The following ECE1 variants were observed in gnomAD, a reference collection of about 807,000 sequenced individuals.
ECE1 encodes endothelin-converting enzyme 1.
In ECE1, 35 loss-of-function variants were observed where a neutral mutation model predicts 98.6. The ratio of observed to expected loss-of-function variants is 0.35; its 90% CI spans 0.27 to 0.47. The LOEUF is 0.47. ECE1 is among the 20% of genes least tolerant of loss of function. The pLI is 1.00. For missense variants in ECE1, 814 were observed against 1,025.3 expected, an observed-to-expected ratio of 0.79 and a Z score of 2.81; for synonymous variants, 394 against 407.1, an observed-to-expected ratio of 0.97 and a Z score of 0.39.
At chr1:21,305,734 T>C (rs1638580404) in intron 1 of ECE1, among the ~76,000 whole-genome samples, 1 of 152,186 alleles carries the variant, frequency 6.6e-6, no homozygotes, top group South Asian at 2.1e-4. Flanking sequence ...GGCTCCACTC[T>C]GTGGGTTTGG....
At chr1:21,224,875 C>T (rs1455027222) in intron 17 of ECE1, among the ~76,000 whole-genome samples, 4 of 152,228 alleles carry the variant, frequency 2.6e-5, no homozygotes, top group Admixed American at 1.3e-4. Flanking sequence ...ACTGGCTCCA[C>T]GACCAGTGCT....
rs997413292 is a variant in ECE1 at position 21,307,963 on chromosome 1, C to G, written c.4-17807G>C. Among the ~76,000 whole-genome samples, 33 of 152,296 alleles carry G rather than the reference C, an allele frequency of 2.2e-4. No individual in the cohort carries two copies. Among genetic ancestry groups the G allele is most frequent in the African/African-American group, 6.5e-4 (27 of 41,564 alleles). Reference sequence around the variant, plus strand: ...TTTGCTGCGATCCCAATGGGTCACACGCCTTCTGGATCCCCCCAGAAGGTC... The same window carrying G: ...TTTGCTGCGATCCCAATGGGTCACAGGCCTTCTGGATCCCCCCAGAAGGTC... On this transcript the variant is annotated intron_variant, in intron 1 of 18. Coordinates refer to the ECE1 transcript ENST00000415912. This position sits in a 1 kb window ranked among gnomAD's most constrained non-coding sequence, Gnocchi z 4.2.
At chr1:21,267,474 T>A (rs953345433) in intron 4 of ECE1, among the ~76,000 whole-genome samples, 8 of 152,014 alleles carry the variant, frequency 5.3e-5, no homozygotes, top group African/African-American at 1.7e-4. Context: ...AACCATAAGA[T>A]CTTGTGAGAC....
In ECE1 at chr1:21,233,649, G is replaced by C. The variant is rs750883434; in HGVS notation, c.1579C>G (p.Pro527Ala). The C allele has an allele frequency of 1.2e-5, 20 of 1,613,880 alleles. No homozygotes were observed. The highest frequency in any genetic ancestry group is 1.6e-5 in the Non-Finnish European group (19 of 1,179,844). The change falls in exon 14 of 19, where the codon CCA (proline) becomes GCA (alanine). Residue 527 changes from proline to alanine, a missense_variant. Coordinates refer to ENST00000374893, the MANE Select transcript of ECE1 (RefSeq NM_001397.3). This position sits in a 1 kb window ranked among gnomAD's most constrained non-coding sequence, Gnocchi z 4.0. Reference protein sequence around the residue: ...DKVFNDYTAVPDLYFENAMRF... With the variant: ...DKVFNDYTAVADLYFENAMRF... ...ATGGCATTTTCAAAGTAGAGGTCTG[G>C]AACTGCAGTGTACTAGAAAAGAAGA...
intron 1 of ECE1, among the ~76,000 whole-genome samples, chr1:21,326,607 G>T (rs899057695): frequency 6.6e-6 from 1 of 152,048 alleles, no homozygotes; most frequent in East Asian, 1.9e-4. Flanking sequence ...ATAATAGGGG[G>T]GTTATATTTC....
rs796261458 is a variant in ECE1 at position 21,272,587 on chromosome 1, C to T, written c.493+112G>A. 2.9e-4 allele frequency: 389 copies of T among 1,328,652 alleles called. 1 individual carries two copies. Among genetic ancestry groups the T allele is most frequent in the South Asian group, 5.9e-4 (47 of 80,074 alleles). The allele number at this position is 1,328,652 out of a possible 1,614,324, so 82.3% of individuals were successfully genotyped here. A position where few individuals can be genotyped will look rare whatever the true frequency, so the allele number is the denominator to read the frequency against. ...GATTACAGGTGTGAGCCACCGTGCC[C>T]GGCCCATTCTGCCAAGCTCCTCCTT... On this transcript the variant is annotated intron_variant, in intron 4 of 18. Transcript: ENST00000374893.
chr1:21,244,305 C>A (rs549379549), intron 10 of ECE1, among the ~76,000 whole-genome samples: 1 of 152,194 alleles, frequency 6.6e-6, no homozygotes, highest in Non-Finnish European at 1.5e-5. Flanking sequence ...TGTGGGCTCT[C>A]GGGGTACAGA....
rs1236301235 is a variant in ECE1, at chr1:21,219,963, C to T, written c.2305G>A (p.Val769Ile). The T allele has an allele frequency of 1.9e-6, 3 of 1,614,262 alleles. No homozygotes were observed. Among genetic ancestry groups the T allele is most frequent in the Non-Finnish European group, 2.5e-6 (3 of 1,180,058 alleles). ...CTCTCTCCGCTTCGTCCTTACCAGA[C>T]TTCGCACTTGTGAGGCGGGTTCATG... is the stretch of plus-strand genomic sequence containing the variant. ...SPMNPPHKCE[V>I]W is the part of the protein sequence containing the mutation. The change falls in exon 19 of 19, where the codon GTC becomes ATC. Residue 769 changes from valine to isoleucine, a missense_variant. Physicochemically the swap from Val to Ile is conservative, Grantham distance 29. Coordinates refer to ENST00000374893, the MANE Select transcript of ECE1 (RefSeq NM_001397.3). This position sits in a 1 kb window ranked among gnomAD's most constrained non-coding sequence, Gnocchi z 4.5.
chr1:21,246,821 G>C (rs1164462765), intron 9 of ECE1, among the ~76,000 whole-genome samples: 1 of 152,146 alleles, frequency 6.6e-6, no homozygotes, highest in Non-Finnish European at 1.5e-5. Context: ...CACCATGTCT[G>C]GCTAATTTTT....
rs2098164653 is a variant in ECE1 at position 21,219,457 on chromosome 1, A to T, written c.*498T>A. On this transcript the variant is annotated 3_prime_UTR_variant, in exon 19 of 19. Transcript: ENST00000374893. This position sits in a 1 kb window ranked among gnomAD's most constrained non-coding sequence, Gnocchi z 4.5. ...CCCAGCCTCACAGGGAGTGGGGAAG[A>T]GAGGGAGTAAATCAGTGGGGCTTCC... 1 of 167,612 alleles carries T rather than the reference A, an allele frequency of 6.0e-6. No homozygotes were observed. The highest frequency in any genetic ancestry group is 5.7e-5 in the Admixed American group (1 of 17,534). 10.4% of individuals were successfully genotyped at this position (167,612 alleles called of 1,614,324 possible).
intron 10 of ECE1, 63 bp from the exon 11 acceptor site, chr1:21,238,307 G>A (rs1170755570): frequency 3.0e-6 from 4 of 1,332,870 alleles, no homozygotes; most frequent in African/African-American, 1.4e-5. Context: ...CCCCTTTCTT[G>A]CTGGGAGGTA....
intron 14 of ECE1, among the ~76,000 whole-genome samples, chr1:21,230,019 T>C (rs951145995): frequency 6.6e-6 from 1 of 151,780 alleles, no homozygotes; most frequent in Non-Finnish European, 1.5e-5. Flanking sequence ...CCCGGTGACA[T>C]GGTGAAACCT....
intron 1 of ECE1, among the ~76,000 whole-genome samples, chr1:21,314,180 C>T (rs1638784659): frequency 6.6e-6 from 1 of 152,234 alleles, no homozygotes; most frequent in African/African-American, 2.4e-5. Flanking sequence ...CAAGGTTGCA[C>T]AGCTGGTAAA....
intron 4 of ECE1, among the ~76,000 whole-genome samples, chr1:21,268,937 G>A (rs914111681): frequency 1.3e-5 from 2 of 152,208 alleles, no homozygotes; most frequent in Admixed American, 1.3e-4. Flanking sequence ...ACTGAGCCTT[G>A]AGGGAGAGGA....
intron 3 of ECE1, among the ~76,000 whole-genome samples, chr1:21,278,977 C>G (rs778448193): frequency 6.6e-6 from 1 of 152,166 alleles, no homozygotes; most frequent in Non-Finnish European, 1.5e-5. Flanking sequence ...GTTGCTGGGA[C>G]AGGATGTGGA....
rs372855558 is a variant in ECE1 at position 21,217,317 on chromosome 1, T to C, written c.*2638A>G. 3.3e-5 allele frequency: 5 copies of C among 152,186 alleles called. No homozygotes were observed. In the East Asian group the frequency reaches 5.8e-4, roughly 18 times the overall value. The allele number at this position is 152,186 out of a possible 1,614,324, so 9.4% of individuals were successfully genotyped here. A position where few individuals can be genotyped will look rare whatever the true frequency, so the allele number is the denominator to read the frequency against. ...AAAACTACAGTAGCTCAAAACATAATACAAAAAATAGATTCCCAGCTCCCA... is the reference window on the plus strand; with the variant it reads ...AAAACTACAGTAGCTCAAAACATAACACAAAAAATAGATTCCCAGCTCCCA... On this transcript the variant is annotated 3_prime_UTR_variant, in exon 19 of 19. Transcript: ENST00000374893.
At chr1:21,301,287 G>T (rs996210766) in intron 1 of ECE1, among the ~76,000 whole-genome samples, 1 of 152,096 alleles carries the variant, frequency 6.6e-6, no homozygotes, top group African/African-American at 2.4e-5. Context: ...GAGGTCAGGA[G>T]ATAGAGACCA....
intron 8 of ECE1, among the ~76,000 whole-genome samples, chr1:21,253,930 G>A (rs534868049): frequency 5.4e-4 from 82 of 152,036 alleles, no homozygotes; most frequent in African/African-American, 1.9e-3. Context: ...TTAGCCGGGC[G>A]TGGTGGTGCC....
In ECE1 at chr1:21,229,472, C is replaced by T. The variant is rs530965839; in HGVS notation, c.1671-1431G>A. ...GACTGGTAAACTATGGAATTTCAGA[C>T]GTGGACATCTGGCAGACATTTTCTT... On this transcript the variant is annotated intron_variant, in intron 14 of 18. Transcript: ENST00000374893. 6.6e-5 allele frequency among the ~76,000 whole-genome samples: 10 copies of T among 152,108 alleles called. No individual in the cohort carries two copies. The South Asian group carries it at 1.0e-3, about 16-fold the overall frequency.
Sources: allele counts gnomAD v4.1 joint callset (sites outside exome capture counted in the v4.1 genomes callset), GRCh38; gene constraint gnomAD v4.1.1; non-coding constraint Gnocchi (gnomAD v3.1); transcripts MANE v1.5; gene names NCBI Gene and HGNC (gene_info 2026-07-23, HGNC 2026-07-21).